The following MAN1A2 variants were observed in gnomAD, a reference collection of about 807,000 sequenced individuals.
MAN1A2 encodes the protein mannosyl-oligosaccharide 1,2-alpha-mannosidase IB.
Under a neutral mutation model 75.7 loss-of-function variants are expected in MAN1A2, and 26 were observed. The observed-to-expected ratio is 0.34, with a 90% CI of 0.25 to 0.48. The LOEUF is 0.48. MAN1A2 is among the 20% of genes least tolerant of loss of function. MAN1A2 has a pLI of 0.99. For synonymous variants in MAN1A2, 247 were observed against 264.6 expected (o/e 0.93, Z 0.65); for missense variants, 562 against 775.5 (o/e 0.72, Z 3.27).
At chr1:117,482,095 G>T (rs1410943288) in intron 8 of MAN1A2, among the ~76,000 whole-genome samples, 2 of 151,802 alleles carry the variant, frequency 1.3e-5, no homozygotes, top group African/African-American at 2.4e-5. Context: ...ATGTTCTAGG[G>T]TACATGTGCA....
At chr1:117,401,214 G>T (rs1647414711) in intron 1 of MAN1A2, among the ~76,000 whole-genome samples, 1 of 148,092 alleles carries the variant, frequency 6.8e-6, no homozygotes, top group Non-Finnish European at 1.5e-5. Context: ...AAGTGCATTT[G>T]CAGGATTCTA....
intron 12 of MAN1A2, among the ~76,000 whole-genome samples, chr1:117,522,210 A>G (rs1386587393): frequency 1.3e-5 from 2 of 151,910 alleles, no homozygotes; most frequent in East Asian, 3.9e-4. Context: ...AGTCCTCATC[A>G]GAACCAATAT....
chr1:117,411,786 AC>A (rs932512253), intron 3 of MAN1A2, among the ~76,000 whole-genome samples: 3 of 151,782 alleles, frequency 2.0e-5, no homozygotes, highest in African/African-American at 7.2e-5. Flanking sequence ...ATTTCTACAC[AC>A]CCATTAACAT....
At chr1:117,435,901 T>C (rs1648831616) in intron 5 of MAN1A2, among the ~76,000 whole-genome samples, 3 of 151,948 alleles carry the variant, frequency 2.0e-5, no homozygotes. Context: ...CTACTAAAAA[T>C]ATAAAAATTA....
intron 3 of MAN1A2, among the ~76,000 whole-genome samples, chr1:117,413,847 AT>A (rs896122261): frequency 1.3e-5 from 2 of 151,816 alleles, no homozygotes; most frequent in African/African-American, 4.8e-5. Context: ...CCTGATATTT[AT>A]TTTTTTGCTG....
intron 8 of MAN1A2, among the ~76,000 whole-genome samples, chr1:117,492,249 C>G (rs2101872591): frequency 6.6e-6 from 1 of 152,082 alleles, no homozygotes; most frequent in East Asian, 1.9e-4. Context: ...ATTGTTGTCT[C>G]ATTTTAAGAA....
chr1:117,431,862 A>T (rs1362551809), intron 5 of MAN1A2, among the ~76,000 whole-genome samples: 1 of 152,102 alleles, frequency 6.6e-6, no homozygotes, highest in African/African-American at 2.4e-5. Flanking sequence ...AGGTGAGAGG[A>T]TTGCTTGAGC....
At chr1:117,430,008 C>T (rs1466856723) in intron 5 of MAN1A2, among the ~76,000 whole-genome samples, 1 of 49,870 alleles carries the variant, frequency 2.0e-5, no homozygotes, top group East Asian at 6.2e-4. Flanking sequence ...CCCTCCCGGA[C>T]AGGGCGGCTG....
chr1:117,448,857 T>C (rs955525756), intron 6 of MAN1A2, among the ~76,000 whole-genome samples: 12 of 152,198 alleles, frequency 7.9e-5, no homozygotes, highest in African/African-American at 2.9e-4. Flanking sequence ...TTTGCAGATA[T>C]TCTTTTTTTC....
intron 12 of MAN1A2, among the ~76,000 whole-genome samples, chr1:117,507,455 T>G (rs527779373): frequency 6.6e-6 from 1 of 151,602 alleles, no homozygotes; most frequent in Admixed American, 6.6e-5. Context: ...TTGGAACATA[T>G]GCTCCATGAA....
chr1:117,450,451 A>G (rs995632006), intron 6 of MAN1A2, among the ~76,000 whole-genome samples: 10 of 152,338 alleles, frequency 6.6e-5, no homozygotes, highest in African/African-American at 2.2e-4. Context: ...CAGAAAAGAA[A>G]AGCCCGTTTT....
At chr1:117,507,903 C>G (rs1434126687) in intron 12 of MAN1A2, among the ~76,000 whole-genome samples, 1 of 151,646 alleles carries the variant, frequency 6.6e-6, no homozygotes, top group Non-Finnish European at 1.5e-5. Flanking sequence ...AGTGAAATAG[C>G]AGTTGGTCAA....
intron 6 of MAN1A2, among the ~76,000 whole-genome samples, chr1:117,458,845 C>T (rs1649716814): frequency 6.6e-6 from 1 of 151,836 alleles, no homozygotes; most frequent in African/African-American, 2.4e-5. Flanking sequence ...ATTTATACTT[C>T]TCCCAAAAAA....
intron 12 of MAN1A2, among the ~76,000 whole-genome samples, chr1:117,519,357 T>C (rs918343740): frequency 1.3e-5 from 2 of 151,596 alleles, no homozygotes; most frequent in African/African-American, 4.8e-5. Flanking sequence ...CTAAATGAAA[T>C]TGAAACAAAA....
chr1:117,490,896 C>T (rs1028440766), intron 8 of MAN1A2, among the ~76,000 whole-genome samples: 1 of 152,060 alleles, frequency 6.6e-6, no homozygotes, highest in African/African-American at 2.4e-5. Context: ...CTACAACATT[C>T]CCTGAAGCCA....
At chr1:117,414,218 C>G (rs1348405450) in intron 3 of MAN1A2, among the ~76,000 whole-genome samples, 1 of 151,238 alleles carries the variant, frequency 6.6e-6, no homozygotes, top group Non-Finnish European at 1.5e-5. Flanking sequence ...GGTTATCCAG[C>G]CCTGTTGTAC....
At chr1:117,392,683 TGAA>T (rs3835641) in intron 1 of MAN1A2, among the ~76,000 whole-genome samples, 21,388 of 152,112 alleles carry the variant, frequency 0.14, 1,690 homozygotes, top group South Asian at 0.22. Flanking sequence ...AAACGCAAAC[TGAA>T]ATCCTTTGAA....
In MAN1A2 at chr1:117,443,026, G is replaced by A. The variant is rs192460950; in HGVS notation, c.950+701G>A. Among the ~76,000 whole-genome samples, 108 of 152,200 alleles carry A rather than the reference G, an allele frequency of 7.1e-4. 1 individual carries two copies. Among genetic ancestry groups the A allele is most frequent in the African/African-American group, 2.6e-3 (107 of 41,534 alleles). On this transcript the variant is annotated intron_variant, in intron 6 of 12. Transcript: ENST00000356554. ...AACTTGCATTTAAGTAATTTATGCT[G>A]ACTGAAATTTGTTGTGCTCATTTTT...
At chr1:117,514,764 G>T in intron 12 of MAN1A2, 1 of 516,544 alleles carries the variant, frequency 1.9e-6, no homozygotes, top group South Asian at 1.4e-5. Flanking sequence ...TCAGATGAGG[G>T]GAAAAAACGG....
Sources: allele counts gnomAD v4.1 joint callset (sites outside exome capture counted in the v4.1 genomes callset), GRCh38; gene constraint gnomAD v4.1.1; transcripts MANE v1.5; gene names NCBI Gene and HGNC (gene_info 2026-07-23, HGNC 2026-07-21).